The following CORO2A variants were observed in gnomAD, a reference collection of about 807,000 sequenced individuals.
The protein encoded by CORO2A is coronin 2A, also known as coronin-2A.
Under a neutral mutation model 62.4 loss-of-function variants are expected in CORO2A, and 47 were observed. The ratio of observed to expected loss-of-function variants is 0.75; its 90% CI spans 0.60 to 0.96. CORO2A has a LOEUF of 0.96. Among genes scored for constraint, CORO2A ranks in the 40% least tolerant of loss-of-function variants. The probability of loss-of-function intolerance (pLI) is 0.00; values close to 1 mark genes in which losing one functional copy is unlikely to be tolerated. For missense variants in CORO2A, 610 were observed against 684.1 expected, an observed-to-expected ratio of 0.89 and a Z score of 1.21; for synonymous variants, 273 against 268.9, an observed-to-expected ratio of 1.02 and a Z score of -0.15.
At chr9:98,164,996 C>A (rs1033570320) in intron 1 of CORO2A, among the ~76,000 whole-genome samples, 1 of 152,122 alleles carries the variant, frequency 6.6e-6, no homozygotes, top group Non-Finnish European at 1.5e-5. Context: ...TGAGATAGGG[C>A]CTCACTTTGC....
At chr9:98,172,939 G>A (rs2231656) in intron 1 of CORO2A, 6,753 of 152,406 alleles carry the variant, frequency 0.044, 238 homozygotes, top group East Asian at 0.2. Flanking sequence ...ACAGGTGACA[G>A]CATCACATTT....
chr9:98,139,301 T>C (rs1261824193), intron 2 of CORO2A, among the ~76,000 whole-genome samples: 1 of 151,972 alleles, frequency 6.6e-6, no homozygotes, highest in Non-Finnish European at 1.5e-5. Flanking sequence ...TTTTCCAACA[T>C]GGCAACAGGA....
chr9:98,156,471 T>A (rs1406274855), intron 2 of CORO2A, among the ~76,000 whole-genome samples: 1 of 152,278 alleles, frequency 6.6e-6, no homozygotes, highest in Non-Finnish European at 1.5e-5. Context: ...ATATATTTCA[T>A]TTTATCAATT....
chr9:98,147,970 G>A (rs1827665764), intron 2 of CORO2A, among the ~76,000 whole-genome samples: 1 of 152,108 alleles, frequency 6.6e-6, no homozygotes, highest in African/African-American at 2.4e-5. Flanking sequence ...CACAGAGGCA[G>A]GAGTGGTGGC....
In CORO2A at chr9:98,134,875, G is replaced by A; in HGVS notation, c.399C>T (p.Arg133=). The A allele has an allele frequency of 2.5e-6, 4 of 1,614,160 alleles. No individual in the cohort carries two copies. The highest frequency in any genetic ancestry group is 3.4e-6 in the Non-Finnish European group (4 of 1,180,032). ...GGTGCCACTCCACCAGGCCTACTCT[G>A]CGCGCGTGGCCCACGAGTTCCTTCC... is the stretch of plus-strand genomic sequence containing the variant. ...AYRKELVGHA[R]RVGLVEWHPT... The change falls in exon 4 of 12, where the codon CGC becomes CGT. Residue 133 remains arginine (R), a synonymous_variant. Transcript: ENST00000375077.
rs555122217 is a variant in CORO2A at position 98,156,761 on chromosome 9, T to C, written c.201+699A>G. Among the ~76,000 whole-genome samples the C allele has an allele frequency of 2.9e-4, 44 of 152,308 alleles. 1 individual carries two copies. The South Asian group carries it at 9.1e-3, about 32-fold the overall frequency. ...TTTGTGATCTTTGTGGATTCATATT[T>C]CTCTATGTTTAATCTGTGGGGATCC... is the stretch of plus-strand genomic sequence containing the variant. On this transcript the variant is annotated intron_variant, in intron 2 of 11. Coordinates refer to ENST00000375077, the MANE Select transcript of CORO2A (RefSeq NM_052820.4).
intron 2 of CORO2A, among the ~76,000 whole-genome samples, chr9:98,155,442 G>T (rs1827789965): frequency 6.8e-6 from 1 of 148,020 alleles, no homozygotes; most frequent in South Asian, 2.1e-4. Context: ...TGCCTCCTGC[G>T]TTCAAGCAAT....
In CORO2A at chr9:98,130,932, C is replaced by T. The variant is rs1317641770; in HGVS notation, c.870+23G>A. The T allele has an allele frequency of 2.5e-6, 4 of 1,591,296 alleles. No homozygotes were observed. In the South Asian group the frequency reaches 4.5e-5, roughly 18 times the overall value. Reference sequence around the variant, plus strand: ...GCTGTCTCAGGGGTCCAGGAGGTCACCTCCCTCCCGTGCCAAGCCGACCTT... The same window carrying T: ...GCTGTCTCAGGGGTCCAGGAGGTCATCTCCCTCCCGTGCCAAGCCGACCTT... On this transcript the variant is annotated intron_variant, in intron 7 of 11. Coordinates refer to ENST00000375077, the MANE Select transcript of CORO2A (RefSeq NM_052820.4).
At chr9:98,144,382 A>G (rs1251433600) in intron 2 of CORO2A, among the ~76,000 whole-genome samples, 1 of 152,102 alleles carries the variant, frequency 6.6e-6, no homozygotes, top group East Asian at 1.9e-4. Context: ...TGTACTAAGG[A>G]CAGCAGAGCC....
intron 1 of CORO2A, among the ~76,000 whole-genome samples, chr9:98,179,675 G>A (rs758011313): frequency 1.6e-4 from 25 of 152,204 alleles, no homozygotes; most frequent in Middle Eastern, 6.8e-3. Context: ...GCAGTCGGCC[G>A]GGCGCAGACA....
At position 98,134,861 on chromosome 9, in the gene CORO2A, A is replaced by C; in HGVS notation, c.413T>G (p.Val138Gly). ...LVGHARRVGL[V>G]EWHPTAANIL... The stretch of plus-strand genomic sequence containing the variant: ...GTTGGCGGCCGTGGGGTGCCACTCC[A>C]CCAGGCCTACTCTGCGCGCGTGGCC... Residue 138 changes from valine (V) to glycine (G), a missense_variant, in exon 4 of 12, where the codon GTG (valine) becomes GGG (glycine). Val to Gly is a moderately radical substitution (Grantham distance 109, BLOSUM62 -3). Coordinates refer to ENST00000375077, the MANE Select transcript of CORO2A (RefSeq NM_052820.4). The C allele has an allele frequency of 6.2e-7, 1 of 1,614,108 alleles. No individual in the cohort carries two copies. The highest frequency in any genetic ancestry group is 1.7e-5 in the Admixed American group (1 of 60,002).
chr9:98,124,519 A>C lies in CORO2A; in HGVS notation c.*255T>G. The C allele has an allele frequency of 1.3e-5, 4 of 313,456 alleles. No homozygotes were observed. Among genetic ancestry groups the C allele is most frequent in the East Asian group, 6.1e-5 (1 of 16,290 alleles). 19.4% of individuals were successfully genotyped at this position (313,456 alleles called of 1,614,324 possible). On this transcript the variant is annotated 3_prime_UTR_variant, in exon 12 of 12. Transcript: ENST00000375077. ...TCCTCTTGAGAAGTTACAGCTCATC[A>C]TGGGCCCTTAATAACAGAATTCAAC...
At chr9:98,169,149 GGCAAATGCAAACA>G (rs1049196815) in intron 1 of CORO2A, among the ~76,000 whole-genome samples, 3 of 152,156 alleles carry the variant, frequency 2.0e-5, no homozygotes, top group Non-Finnish European at 2.9e-5. Context: ...GTCTGCAGCC[GGCAAATGCAAACA>G]GCAAATGCAA....
At chr9:98,159,997 A>G (rs1827861992) in intron 1 of CORO2A, among the ~76,000 whole-genome samples, 1 of 152,178 alleles carries the variant, frequency 6.6e-6, no homozygotes, top group South Asian at 2.1e-4. Context: ...ACACTGTGTG[A>G]CCTCAGGCAA....
intron 1 of CORO2A, among the ~76,000 whole-genome samples, chr9:98,190,037 A>G (rs574423681): frequency 4.6e-5 from 7 of 152,260 alleles, no homozygotes; most frequent in Middle Eastern, 3.4e-3. Flanking sequence ...GGCATGTGCC[A>G]CCACACCCAG....
intron 1 of CORO2A, among the ~76,000 whole-genome samples, chr9:98,175,232 G>A (rs552875217): frequency 1.3e-5 from 2 of 152,262 alleles, no homozygotes; most frequent in South Asian, 2.1e-4. Flanking sequence ...CCCAGCAGAG[G>A]GGCTCGGTAG....
chr9:98,134,221 T>C (rs1827452363), intron 4 of CORO2A, among the ~76,000 whole-genome samples: 1 of 152,212 alleles, frequency 6.6e-6, no homozygotes, highest in African/African-American at 2.4e-5. Context: ...CAGGCTATAG[T>C]GCAGGTCAGA....
At chr9:98,150,507 ACCTTCCCAGGAATG>A (rs1827708724) in intron 2 of CORO2A, among the ~76,000 whole-genome samples, 1 of 152,086 alleles carries the variant, frequency 6.6e-6, no homozygotes, top group South Asian at 2.1e-4. Flanking sequence ...CTCAAAGATC[ACCTTCCCAGGAATG>A]CCTTCCCAGA....
intron 2 of CORO2A, among the ~76,000 whole-genome samples, chr9:98,150,431 G>A (rs187821994): frequency 6.7e-6 from 1 of 148,422 alleles, no homozygotes; most frequent in East Asian, 2.1e-4. Flanking sequence ...CCACTCAGGG[G>A]AATGTTTGCA....
Sources: allele counts gnomAD v4.1 joint callset (sites outside exome capture counted in the v4.1 genomes callset), GRCh38; gene constraint gnomAD v4.1.1; transcripts MANE v1.5; gene names NCBI Gene and HGNC (gene_info 2026-07-23, HGNC 2026-07-21).